Variants in SUPT3H observed in about 807,000 individuals in gnomAD.
The protein encoded by SUPT3H is SPT3 homolog, SAGA and STAGA complex component, also known as transcription initiation protein SPT3 homolog.
Under a neutral mutation model 44.3 loss-of-function variants are expected in SUPT3H, and 44 were observed. That is an observed-to-expected ratio of 0.99 (90% CI 0.78 to 1.28). The LOEUF (loss-of-function observed/expected upper bound fraction) is 1.28, where lower values mean the gene tolerates loss of function less well. Ranked by LOEUF, SUPT3H falls within the 50% of genes most tolerant of loss-of-function variation. SUPT3H has a pLI of 0.00. For synonymous variants in SUPT3H, 124 were observed against 125.6 expected, an observed-to-expected ratio of 0.99 and a Z score of 0.09; for missense variants, 380 against 387.1, an observed-to-expected ratio of 0.98 and a Z score of 0.15.
At chr6:44,955,508 C>T (rs1427499331) in intron 7 of SUPT3H, 1 of 152,196 alleles carries the variant, frequency 6.6e-6, no homozygotes, top group African/African-American at 2.4e-5. Context: ...GCCATAATGC[C>T]CCTGGCAACG....
chr6:45,034,615 T>C (rs568907583), intron 3 of SUPT3H, among the ~76,000 whole-genome samples: 13 of 151,582 alleles, frequency 8.6e-5, no homozygotes, highest in African/African-American at 2.7e-4. Context: ...ATGATGAAAA[T>C]TGTAATTCCA....
intron 2 of SUPT3H, among the ~76,000 whole-genome samples, chr6:45,292,940 T>A (rs2149874680): frequency 6.6e-6 from 1 of 151,148 alleles, no homozygotes; most frequent in African/African-American, 2.4e-5. Context: ...AGACAGAAAG[T>A]CAACAAAGAA....
intron 2 of SUPT3H, chr6:45,250,935 GCT>G (rs1772262622): frequency 6.6e-6 from 1 of 151,880 alleles, no homozygotes; most frequent in Admixed American, 6.6e-5. Flanking sequence ...CAAGCAAGTA[GCT>G]GGGACTACAC....
At chr6:45,124,720 AAATAAT>A (rs1404311062) in intron 2 of SUPT3H, among the ~76,000 whole-genome samples, 1 of 152,052 alleles carries the variant, frequency 6.6e-6, no homozygotes. Flanking sequence ...TTCATGTTTA[AAATAAT>A]AATAAAAAAA....
chr6:45,063,049 T>A (rs1792456934), intron 3 of SUPT3H, among the ~76,000 whole-genome samples: 1 of 150,060 alleles, frequency 6.7e-6, no homozygotes, highest in African/African-American at 2.5e-5. Flanking sequence ...CTCTGCAGAC[T>A]TAAGTGTCCC....
At chr6:44,871,139 G>A (rs1421430670) in intron 10 of SUPT3H, among the ~76,000 whole-genome samples, 1 of 150,184 alleles carries the variant, frequency 6.7e-6, no homozygotes, top group African/African-American at 2.4e-5. Context: ...ACTGGGTGGA[G>A]CCCACCACAG....
At chr6:45,184,359 T>C (rs1287856628) in intron 2 of SUPT3H, among the ~76,000 whole-genome samples, 2 of 152,148 alleles carry the variant, frequency 1.3e-5, no homozygotes, top group Non-Finnish European at 2.9e-5. Flanking sequence ...AATCCTGTTA[T>C]TCTAACAGGG....
chr6:45,197,664 T>C (rs1339840168), intron 2 of SUPT3H: 2 of 336,024 alleles, frequency 6.0e-6, no homozygotes, highest in African/African-American at 4.7e-5. Flanking sequence ...TATTTTTTCA[T>C]TTACATAAAA....
intron 2 of SUPT3H, among the ~76,000 whole-genome samples, chr6:45,238,743 G>T (rs1487316566): frequency 6.6e-6 from 1 of 152,146 alleles, no homozygotes; most frequent in African/African-American, 2.4e-5. Flanking sequence ...GATAGGAAAT[G>T]GGAGAACTTG....
At chr6:45,010,046 T>C (rs1783255984) in intron 5 of SUPT3H, among the ~76,000 whole-genome samples, 1 of 152,160 alleles carries the variant, frequency 6.6e-6, no homozygotes, top group South Asian at 2.1e-4. Context: ...TACATAAATC[T>C]TGCAGGTCTT....
At chr6:44,935,354 T>C in intron 9 of SUPT3H, among the ~76,000 whole-genome samples, 1 of 152,202 alleles carries the variant, frequency 6.6e-6, no homozygotes, top group Non-Finnish European at 1.5e-5. Flanking sequence ...AAAATGTACA[T>C]ATTTGTTATT....
chr6:45,226,959 T>C (rs1265236041), intron 2 of SUPT3H, among the ~76,000 whole-genome samples: 3 of 151,856 alleles, frequency 2.0e-5, no homozygotes, highest in African/African-American at 7.3e-5. Flanking sequence ...ATCATGCCAC[T>C]GCACTCCAGC....
chr6:45,204,760 A>G (rs1049962393), intron 2 of SUPT3H, among the ~76,000 whole-genome samples: 1 of 152,148 alleles, frequency 6.6e-6, no homozygotes, highest in Non-Finnish European at 1.5e-5. Context: ...ACCACCCCTA[A>G]TAACTCAGGC....
intron 2 of SUPT3H, among the ~76,000 whole-genome samples, chr6:45,251,962 T>C (rs10456548): frequency 0.23 from 34,508 of 152,074 alleles, 4,590 homozygotes; most frequent in Non-Finnish European, 0.31. Flanking sequence ...ATATTCAATT[T>C]CAATAAATCA....
intron 3 of SUPT3H, among the ~76,000 whole-genome samples, chr6:45,046,386 A>G (rs1252254645): frequency 6.6e-6 from 1 of 152,050 alleles, no homozygotes. Context: ...GCTGGAGTGC[A>G]GTGGCACGAT....
At chr6:44,826,543 T>C (rs1239874356), downstream of SUPT3H, among the ~76,000 whole-genome samples, 1 of 152,174 alleles carries the variant, frequency 6.6e-6, no homozygotes, top group Non-Finnish European at 1.5e-5. Context: ...TGGTAGAATT[T>C]TAAATGTAGC....
chr6:45,238,793 T>C (rs1049543707), intron 2 of SUPT3H, among the ~76,000 whole-genome samples: 7 of 152,134 alleles, frequency 4.6e-5, no homozygotes, highest in Non-Finnish European at 1.0e-4. Flanking sequence ...GAAAAATTAT[T>C]GTCCCTCTCA....
intron 10 of SUPT3H, among the ~76,000 whole-genome samples, chr6:44,830,636 A>C (rs1034840963): frequency 1.3e-5 from 2 of 152,182 alleles, no homozygotes; most frequent in Non-Finnish European, 1.5e-5. Flanking sequence ...GAATTCCACC[A>C]TAAGACCCAG....
chr6:45,328,425 G>T (rs780243518), intron 2 of SUPT3H: 1 of 1,431,956 alleles, frequency 7.0e-7, no homozygotes, highest in Non-Finnish European at 9.4e-7. Context: ...GTTAATCTCC[G>T]CAGGTCACTA....
Sources: allele counts gnomAD v4.1 joint callset (sites outside exome capture counted in the v4.1 genomes callset), GRCh38; gene constraint gnomAD v4.1.1; transcripts MANE v1.5; gene names NCBI Gene and HGNC (gene_info 2026-07-23, HGNC 2026-07-21).